Variants in NTSR2 observed in about 807,000 individuals in gnomAD.
NTSR2 encodes neurotensin receptor 2, also known as neurotensin receptor type 2.
In NTSR2, 22 loss-of-function variants were observed where a neutral mutation model predicts 24.1. The observed-to-expected ratio is 0.91, with a 90% CI of 0.65 to 1.30. The LOEUF (loss-of-function observed/expected upper bound fraction) is 1.30. NTSR2 is among the 50% of genes most tolerant of loss of function. NTSR2 has a pLI of 0.00. For missense variants in NTSR2, 570 were observed against 570.4 expected (o/e 1.00, Z 0.01); for synonymous variants, 291 against 267.0 (o/e 1.09, Z -0.88).
intron 1 of NTSR2, chr2:11,665,757 A>C (rs1353458301): frequency 6.6e-6 from 1 of 152,326 alleles, no homozygotes; most frequent in Non-Finnish European, 1.5e-5. Flanking sequence ...CAGAGGTCAC[A>C]CAGAAGCCCT....
intron 2 of NTSR2, 94 bp downstream of exon 2, chr2:11,661,873 A>C: frequency 8.6e-7 from 1 of 1,163,032 alleles, no homozygotes; most frequent in Non-Finnish European, 1.2e-6. Flanking sequence ...TGAGAGAGGT[A>C]GTGACTTGCT....
chr2:11,661,827 A>G lies in NTSR2; in HGVS notation c.898+140T>C, dbSNP rs141472026. ...GAACCCTACAGGAAGTCTGTTGGTT[A>G]TACAGTTCCCCTGGGGCATAGGGTA... On this transcript the variant is annotated intron_variant, in intron 2 of 3. Coordinates refer to ENST00000306928, the MANE Select transcript of NTSR2 (RefSeq NM_012344.4). 254 of 708,520 alleles carry G rather than the reference A, an allele frequency of 3.6e-4. No homozygotes were observed. In the East Asian group the frequency reaches 7.1e-3, roughly 20 times the overall value. 43.9% of individuals were successfully genotyped at this position (708,520 alleles called of 1,614,324 possible). A position where few individuals can be genotyped will look rare whatever the true frequency, so the allele number is the denominator to read the frequency against.
chr2:11,669,877 C>CCAG lies in NTSR2; in HGVS notation c.250_252dup (p.Leu84dup), dbSNP rs752638730. ...CTGTAGAGCTCCACCGGCACGCCGA[C>CCAG]CAGCAGCAGCAGCAGGCCCGCGAGC... On this transcript the variant is annotated inframe_insertion, in exon 1 of 4. Transcript: ENST00000306928. 1.9e-5 allele frequency: 30 copies of CCAG among 1,584,114 alleles called. No homozygotes were observed. Among genetic ancestry groups the CCAG allele is most frequent in the Non-Finnish European group, 2.4e-5 (28 of 1,171,766 alleles).
At chr2:11,669,458 C>CCGGGGGGGGGGGGGGCG in intron 1 of NTSR2, 48 bp downstream of exon 1, 2 of 323,366 alleles carry the variant, frequency 6.2e-6, no homozygotes, top group Middle Eastern at 7.7e-4. Context: ...CCTCCCAGCA[C>CCGGGGGGGGGGGGGGCG]CGCCCCCCCA....
At chr2:11,667,164 C>T (rs535868718) in intron 1 of NTSR2, among the ~76,000 whole-genome samples, 1 of 152,294 alleles carries the variant, frequency 6.6e-6, no homozygotes, top group East Asian at 1.9e-4. Context: ...CCCTGAGCCC[C>T]TGACTCTGAC....
At chr2:11,663,380 A>T (rs1202484208) in intron 1 of NTSR2, among the ~76,000 whole-genome samples, 1 of 152,242 alleles carries the variant, frequency 6.6e-6, no homozygotes, top group Non-Finnish European at 1.5e-5. Context: ...GGACTGGAGC[A>T]GGAGACCAGA....
At chr2:11,669,405 T>G in intron 1 of NTSR2, 101 bp downstream of exon 1, 5 of 968,114 alleles carry the variant, frequency 5.2e-6, no homozygotes, top group East Asian at 3.1e-5. Context: ...GTGGCGAGCA[T>G]TAGAGTCGAA....
intron 1 of NTSR2, among the ~76,000 whole-genome samples, chr2:11,663,589 G>C (rs1324526290): frequency 6.6e-6 from 1 of 152,172 alleles, no homozygotes; most frequent in Non-Finnish European, 1.5e-5. Flanking sequence ...GGATTAGAAA[G>C]AAAATACAAC....
chr2:11,662,850 C>T (rs758438255), intron 1 of NTSR2, among the ~76,000 whole-genome samples: 27 of 152,184 alleles, frequency 1.8e-4, no homozygotes, highest in Non-Finnish European at 3.7e-4. Context: ...GAAAGGCTGC[C>T]CGGGTGCCCA....
chr2:11,669,468 A>ACCCCCCCCCCCCCCCCCC, intron 1 of NTSR2, 38 bp downstream of exon 1: 2 of 81,058 alleles, frequency 2.5e-5, no homozygotes, highest in South Asian at 2.0e-4. Flanking sequence ...CCGCCCCCCC[A>ACCCCCCCCCCCCCCCCCC]CCCCCCCTCC....
intron 1 of NTSR2, among the ~76,000 whole-genome samples, chr2:11,668,463 T>C (rs532269942): frequency 2.3e-3 from 343 of 152,280 alleles, no homozygotes; most frequent in Non-Finnish European, 3.0e-3. Context: ...AGGAGACTGC[T>C]TAGGACGAGT....
At chr2:11,667,206 AT>A (rs1558699437) in intron 1 of NTSR2, among the ~76,000 whole-genome samples, 1 of 152,184 alleles carries the variant, frequency 6.6e-6, no homozygotes, top group East Asian at 1.9e-4. Flanking sequence ...CCTTGCTTCA[AT>A]TTTTTATTTT....
intron 1 of NTSR2, 48 bp downstream of exon 1, chr2:11,669,458 C>CCGGGG: frequency 2.2e-5 from 7 of 323,362 alleles, no homozygotes; most frequent in East Asian, 4.3e-5. Flanking sequence ...CCTCCCAGCA[C>CCGGGG]CGCCCCCCCA....
chr2:11,661,947 G>C lies in NTSR2; in HGVS notation c.898+20C>G. The C allele has an allele frequency of 6.5e-7, 1 of 1,532,880 alleles. No homozygotes were observed. Among genetic ancestry groups the C allele is most frequent in the Non-Finnish European group, 8.8e-7 (1 of 1,138,294 alleles). The allele number at this position is 1,532,880 out of a possible 1,614,324, so 95.0% of individuals were successfully genotyped here. A position where few individuals can be genotyped will look rare whatever the true frequency, so the allele number is the denominator to read the frequency against. On this transcript the variant is annotated intron_variant, in intron 2 of 3. Coordinates refer to ENST00000306928, the MANE Select transcript of NTSR2 (RefSeq NM_012344.4). Reference sequence around the variant, plus strand: ...AACTTAGGCCCCTTTCTTCTGGGGTGATGTTACAGAGGACTTAACTGAGAA... The same window carrying C: ...AACTTAGGCCCCTTTCTTCTGGGGTCATGTTACAGAGGACTTAACTGAGAA...
At chr2:11,669,459 C>CCGGGGGGGGGGGGGGGG in intron 1 of NTSR2, 47 bp downstream of exon 1, 12 of 337,892 alleles carry the variant, frequency 3.6e-5, no homozygotes, top group Non-Finnish European at 4.7e-5. Context: ...CTCCCAGCAC[C>CCGGGGGGGGGGGGGGGG]GCCCCCCCAC....
Position 11,662,025 on chromosome 2 carries a change from C to G in NTSR2, c.840G>C (p.Leu280=), listed in dbSNP as rs775080693. ...KTFIQGGQVS[L]VRHKDVRRIR... is the part of the protein sequence containing the mutation. ...TCCGGCGCACGTCTTTATGTCTCAC[C>G]AGGCTGACCTGGCCTCCCTGGATAA... The change falls in exon 2 of 4, where the codon CTG becomes CTC. Residue 280 remains leucine (L), a synonymous_variant. Transcript: ENST00000306928. 1.2e-6 allele frequency: 2 copies of G among 1,612,882 alleles called. No individual in the cohort carries two copies. The highest frequency in any genetic ancestry group is 2.7e-5 in the African/African-American group (2 of 74,898).
At chr2:11,668,657 C>A (rs1179067614) in intron 1 of NTSR2, among the ~76,000 whole-genome samples, 2 of 152,198 alleles carry the variant, frequency 1.3e-5, no homozygotes, top group Non-Finnish European at 1.5e-5. Flanking sequence ...TTTCCCACTT[C>A]CCCAATGTGC....
intron 1 of NTSR2, 46 bp downstream of exon 1, chr2:11,669,460 G>GGGGGGGGGGCCCCCCCCCCC: frequency 3.9e-6 from 1 of 254,726 alleles, no homozygotes; most frequent in Non-Finnish European, 6.9e-6. Flanking sequence ...TCCCAGCACC[G>GGGGGGGGGGCCCCCCCCCCC]CCCCCCCACC....
chr2:11,661,687 C>A (rs947303812), intron 2 of NTSR2, among the ~76,000 whole-genome samples: 1 of 152,202 alleles, frequency 6.6e-6, no homozygotes, highest in Non-Finnish European at 1.5e-5. Flanking sequence ...TTCATCCACA[C>A]CGCCAGACTC....
Sources: allele counts gnomAD v4.1 joint callset (sites outside exome capture counted in the v4.1 genomes callset), GRCh38; gene constraint gnomAD v4.1.1; transcripts MANE v1.5; gene names NCBI Gene and HGNC (gene_info 2026-07-23, HGNC 2026-07-21).